TCERG1: variants seen among roughly 807,000 people sequenced by gnomAD.
TCERG1 encodes TATA box binding protein (TBP)-associated factor, RNA polymerase II, S, 150kD.
A neutral mutation model predicts 144.7 loss-of-function variants in TCERG1; 37 were observed. That is an observed-to-expected ratio of 0.26 (90% CI 0.20 to 0.34). The LOEUF is 0.34. Among genes scored for constraint, TCERG1 ranks in the 10% least tolerant of loss-of-function variants. The pLI is 1.00. For synonymous variants in TCERG1, 492 were observed against 458.2 expected (o/e 1.07, Z -0.94); for missense variants, 1,027 against 1,380.7 (o/e 0.74, Z 4.06).
chr5:146,506,799 C>T (rs1241515372), intron 19 of TCERG1, among the ~76,000 whole-genome samples: 2 of 152,116 alleles, frequency 1.3e-5, no homozygotes, highest in Admixed American at 6.6e-5. Flanking sequence ...ATGTTGTCCT[C>T]TAGGTTTATC....
chr5:146,466,492 T>G (rs1488512352), intron 5 of TCERG1, among the ~76,000 whole-genome samples: 3 of 152,182 alleles, frequency 2.0e-5, no homozygotes, highest in African/African-American at 7.2e-5. Context: ...TTAAGAAACT[T>G]AACTGTCTGT....
chr5:146,490,341 T>G (rs1303913621), intron 15 of TCERG1, among the ~76,000 whole-genome samples: 1 of 152,206 alleles, frequency 6.6e-6, no homozygotes, highest in Non-Finnish European at 1.5e-5. Context: ...TTGTACTTGT[T>G]ATAAAGATGT....
intron 1 of TCERG1, among the ~76,000 whole-genome samples, chr5:146,451,269 G>A (rs1224109725): frequency 2.6e-5 from 4 of 151,294 alleles, no homozygotes; most frequent in Admixed American, 2.6e-4. Flanking sequence ...TTTTGGGGAT[G>A]CATATAATTT....
chr5:146,484,103 G>C (rs540643052), intron 15 of TCERG1, among the ~76,000 whole-genome samples: 1 of 151,960 alleles, frequency 6.6e-6, no homozygotes, highest in South Asian at 2.1e-4. Context: ...ACATATATAT[G>C]TGTGTGTGTG....
At chr5:146,476,006 T>C (rs983175632) in intron 9 of TCERG1, among the ~76,000 whole-genome samples, 3 of 152,202 alleles carry the variant, frequency 2.0e-5, no homozygotes, top group Non-Finnish European at 2.9e-5. Flanking sequence ...CGCTAACTTT[T>C]TAGGTTTTTT....
intron 9 of TCERG1, among the ~76,000 whole-genome samples, 186 bp downstream of exon 9, chr5:146,471,762 C>G (rs923328099): frequency 6.6e-6 from 1 of 152,102 alleles, no homozygotes; most frequent in African/African-American, 2.4e-5. Context: ...CCATGCCCAG[C>G]TGATTTTTGT....
chr5:146,469,528 A>G lies in TCERG1; in HGVS notation c.1199-16A>G, dbSNP rs772840828. ...GTTTGATACTTGGATCTAATTTTTT[A>G]TTATTCTTTTTTTAGGTGTATTGCC... On this transcript the variant is annotated splice_polypyrimidine_tract_variant and intron_variant, in intron 6 of 22. Coordinates refer to ENST00000679501, the MANE Select transcript of TCERG1 (RefSeq NM_001382548.1). 6 of 1,560,668 alleles carry G rather than the reference A, an allele frequency of 3.8e-6. No homozygotes were observed. In the South Asian group the frequency reaches 6.2e-5, roughly 16 times the overall value.
rs1768426157 is a variant in TCERG1 at position 146,511,090 on chromosome 5, G to C, written c.*448G>C. 6.6e-6 allele frequency: 1 copy of C among 152,540 alleles called. No homozygotes were observed. Among genetic ancestry groups the C allele is most frequent in the East Asian group, 1.9e-4 (1 of 5,178 alleles). 9.4% of individuals were successfully genotyped at this position (152,540 alleles called of 1,614,324 possible). ...GGTAAAAGAGAAAACACTGAAAATTGAATTCTTATCTTCCAGAGGCTACAA... is the reference window on the plus strand; with the variant it reads ...GGTAAAAGAGAAAACACTGAAAATTCAATTCTTATCTTCCAGAGGCTACAA... On this transcript the variant is annotated 3_prime_UTR_variant, in exon 23 of 23. Coordinates refer to ENST00000679501, the MANE Select transcript of TCERG1 (RefSeq NM_001382548.1).
At position 146,458,782 on chromosome 5, in the gene TCERG1, C is replaced by T. The variant is rs1279303868; in HGVS notation, c.439-102C>T. 20 of 1,465,366 alleles carry T rather than the reference C, an allele frequency of 1.4e-5. No individual in the cohort carries two copies. The East Asian group carries it at 1.6e-4, about 12-fold the overall frequency. 90.8% of individuals were successfully genotyped at this position (1,465,366 alleles called of 1,614,324 possible). ...GAATGAGCCACCACGCCTGGCCCTA[C>T]GTTATTTTTAAATAGCTTTAAAGAT... On this transcript the variant is annotated intron_variant, in intron 3 of 22. Transcript: ENST00000679501.
At chr5:146,496,928 C>T (rs915551787) in intron 16 of TCERG1, among the ~76,000 whole-genome samples, 17 of 137,936 alleles carry the variant, frequency 1.2e-4, no homozygotes, top group Middle Eastern at 8.8e-3. Context: ...GGCTGGAGTG[C>T]AGTGGCGTGA....
Position 146,478,580 on chromosome 5 carries a change from T to G in TCERG1, c.1689T>G (p.Ile563Met). Residue 563 changes from isoleucine (I) to methionine (M), a missense_variant, in exon 10 of 23, where the codon ATT (isoleucine) becomes ATG (methionine). Ile to Met is a conservative substitution (Grantham distance 10). This residue lies in a region of TCERG1 where 482 missense variants were observed against 632.6 expected (regional missense o/e 0.76). Transcript: ENST00000679501. The stretch of plus-strand genomic sequence containing the variant: ...TGTGGGACCGACCTGATGATCTGAT[T>G]GGCAGGGCAGATGTTGACAAAATTA... ...LSMWDRPDDL[I>M]GRADVDKIIQ... The G allele has an allele frequency of 6.2e-7, 1 of 1,612,638 alleles. No homozygotes were observed. The highest frequency in any genetic ancestry group is 8.5e-7 in the Non-Finnish European group (1 of 1,179,556).
At chr5:146,470,779 C>A in intron 8 of TCERG1, 31 bp downstream of exon 8, 1 of 1,504,152 alleles carries the variant, frequency 6.6e-7, no homozygotes, top group Non-Finnish European at 9.1e-7. Flanking sequence ...AACCTGGGAG[C>A]CACATTAATT....
chr5:146,492,872 T>G, intron 15 of TCERG1, 48 bp from the exon 16 acceptor site: 1 of 1,340,432 alleles, frequency 7.5e-7, no homozygotes, highest in Non-Finnish European at 1.1e-6. Context: ...GTAGTTAAAT[T>G]ACCTATATGA....
intron 1 of TCERG1, among the ~76,000 whole-genome samples, chr5:146,452,940 CTTCTT>C (rs1184513784): frequency 2.0e-5 from 3 of 152,140 alleles, no homozygotes; most frequent in African/African-American, 7.2e-5. Context: ...GGACAAGTGA[CTTCTT>C]TGCTTTAGTT....
At chr5:146,493,113 A>G (rs1163988954) in intron 16 of TCERG1, 75 bp downstream of exon 16, 8 of 1,148,294 alleles carry the variant, frequency 7.0e-6, no homozygotes, top group Non-Finnish European at 9.7e-6. Context: ...AATTAAAAAA[A>G]TAGATATTTT....
intron 1 of TCERG1, among the ~76,000 whole-genome samples, chr5:146,452,095 GTTCT>G (rs770591323): frequency 9.9e-5 from 15 of 152,050 alleles, no homozygotes; most frequent in Non-Finnish European, 2.9e-5. Flanking sequence ...GCCTAAATTG[GTTCT>G]TTATTAGGAT....
chr5:146,447,832 G>T (rs553540787), intron 1 of TCERG1, among the ~76,000 whole-genome samples: 18 of 152,224 alleles, frequency 1.2e-4, no homozygotes, highest in Non-Finnish European at 2.5e-4. Context: ...TGTACCCCTC[G>T]CCACTTCTGG....
intron 4 of TCERG1, among the ~76,000 whole-genome samples, chr5:146,462,595 C>T (rs1268797480): frequency 1.3e-5 from 2 of 152,016 alleles, no homozygotes; most frequent in Non-Finnish European, 2.9e-5. Flanking sequence ...TCACATTTTC[C>T]TGGTCTCTCA....
intron 3 of TCERG1, 67 bp from the exon 4 acceptor site, chr5:146,458,817 T>C (rs1281926793): frequency 6.5e-7 from 1 of 1,533,116 alleles, no homozygotes; most frequent in Non-Finnish European, 8.8e-7. Flanking sequence ...TAAAATATGG[T>C]TCCATTCTTG....
Sources: allele counts gnomAD v4.1 joint callset (sites outside exome capture counted in the v4.1 genomes callset), GRCh38; gene constraint gnomAD v4.1.1; regional missense constraint gnomAD v4.1.1; transcripts MANE v1.5; gene names NCBI Gene and HGNC (gene_info 2026-07-23, HGNC 2026-07-21).